Variants in GFOD2 observed in about 807,000 individuals in gnomAD.
GFOD2 encodes glucose-fructose oxidoreductase domain-containing protein 2.
In GFOD2, 9 loss-of-function variants were observed where a neutral mutation model predicts 24.6. The observed-to-expected ratio is 0.37, with a 90% CI of 0.22 to 0.64. GFOD2 has a LOEUF of 0.64. GFOD2 is among the 30% of genes least tolerant of loss of function. GFOD2 has a pLI of 0.65. For missense variants in GFOD2, 476 were observed against 532.5 expected (o/e 0.89, Z 1.04); for synonymous variants, 211 against 224.8 (o/e 0.94, Z 0.55).
Position 67,685,659 on chromosome 16 carries a change from C to T in GFOD2, c.57G>A (p.Leu19=), listed in dbSNP as rs2053261124. The T allele has an allele frequency of 3.7e-6, 6 of 1,613,952 alleles. No individual in the cohort carries two copies. Among genetic ancestry groups the T allele is most frequent in the Admixed American group, 1.7e-5 (1 of 59,996 alleles). The part of the protein sequence containing the change: ...VFGTGSSARV[L]VPLLRAEGFT... The stretch of plus-strand genomic sequence containing the variant: ...ACCCTTCTGCCCTCAGCAGTGGGAC[C>T]AGAACTCGGGCGGAGCTGCCAGTCC... The change falls in exon 2 of 3, where the codon CTG becomes CTA. Residue 19 remains leucine (L), a synonymous_variant. Coordinates refer to ENST00000268797, the MANE Select transcript of GFOD2 (RefSeq NM_030819.4).
intron 1 of GFOD2, among the ~76,000 whole-genome samples, chr16:67,703,495 A>G (rs1761654357): frequency 6.6e-6 from 1 of 152,206 alleles, no homozygotes; most frequent in Non-Finnish European, 1.5e-5. Flanking sequence ...TGAGATAAAT[A>G]TAGAAGGTAT....
At chr16:67,704,383 A>G (rs914977426) in intron 1 of GFOD2, among the ~76,000 whole-genome samples, 2 of 152,222 alleles carry the variant, frequency 1.3e-5, no homozygotes, top group Admixed American at 1.3e-4. Context: ...TGATTTAACA[A>G]TTATAACTTC....
At chr16:67,707,591 C>T (rs1301106622) in intron 1 of GFOD2, among the ~76,000 whole-genome samples, 1 of 152,050 alleles carries the variant, frequency 6.6e-6, no homozygotes, top group Non-Finnish European at 1.5e-5. Context: ...TCACAGCAGC[C>T]TTATTCATAA....
chr16:67,692,987 G>A (rs752708221), intron 1 of GFOD2, among the ~76,000 whole-genome samples: 6 of 151,666 alleles, frequency 4.0e-5, no homozygotes, highest in Non-Finnish European at 8.8e-5. Flanking sequence ...CCGAGATTGC[G>A]CCACTGCACT....
intron 1 of GFOD2, among the ~76,000 whole-genome samples, chr16:67,700,399 T>A (rs765677077): frequency 6.7e-6 from 1 of 150,106 alleles, no homozygotes; most frequent in African/African-American, 2.5e-5. Flanking sequence ...AAATTTAATT[T>A]AAAAAATAAA....
chr16:67,705,559 C>T (rs866640192), intron 1 of GFOD2, among the ~76,000 whole-genome samples: 3 of 152,056 alleles, frequency 2.0e-5, no homozygotes, highest in African/African-American at 4.8e-5. Context: ...TGTGTCTCCC[C>T]GATCCTATTA....
At chr16:67,697,924 G>A (rs1174916375) in intron 1 of GFOD2, among the ~76,000 whole-genome samples, 1 of 152,182 alleles carries the variant, frequency 6.6e-6, no homozygotes, top group Non-Finnish European at 1.5e-5. Context: ...GGCGTAAAGT[G>A]TTAATCTCAA....
At chr16:67,683,137 T>C in intron 2 of GFOD2, 3 of 913,048 alleles carry the variant, frequency 3.3e-6, no homozygotes, top group Non-Finnish European at 3.9e-6. Context: ...ATTTTTAAAC[T>C]TTTTTGTAGA....
At chr16:67,683,912 G>C in intron 2 of GFOD2, 1 of 1,108,172 alleles carries the variant, frequency 9.0e-7, no homozygotes, top group Non-Finnish European at 1.1e-6. Flanking sequence ...GTATGTGCTA[G>C]TTGAATTGTG....
intron 1 of GFOD2, among the ~76,000 whole-genome samples, chr16:67,687,085 T>C (rs1488335182): frequency 6.7e-6 from 1 of 150,002 alleles, no homozygotes; most frequent in African/African-American, 2.5e-5. Flanking sequence ...GAGGTGAAAG[T>C]TGCAGTGATC....
At chr16:67,684,454 G>C (rs2053250644) in intron 2 of GFOD2, 1 of 151,732 alleles carries the variant, frequency 6.6e-6, no homozygotes, top group African/African-American at 2.4e-5. Context: ...CCAGCACTTT[G>C]GGAGGCCGAG....
chr16:67,709,466 C>T (rs1024787721), intron 1 of GFOD2, among the ~76,000 whole-genome samples: 1 of 151,890 alleles, frequency 6.6e-6, no homozygotes, highest in Non-Finnish European at 1.5e-5. Context: ...CTTCAGTAAG[C>T]CAAACAGATA....
intron 1 of GFOD2, among the ~76,000 whole-genome samples, chr16:67,698,674 T>TC (rs1338981774): frequency 3.3e-5 from 5 of 152,282 alleles, no homozygotes; most frequent in South Asian, 2.1e-4. Context: ...ACACGGGGTT[T>TC]CCCCATATTG....
chr16:67,685,445 T>G lies in GFOD2; in HGVS notation c.259+12A>C, dbSNP rs965233479. On this transcript the variant is annotated intron_variant, in intron 2 of 2. Coordinates refer to ENST00000268797, the MANE Select transcript of GFOD2 (RefSeq NM_030819.4). ...GACATGATCTGCCCCTGCTGTGGCCTGCCGGGCGTACCTAGAGCCTTCACG... is the reference window on the plus strand; with the variant it reads ...GACATGATCTGCCCCTGCTGTGGCCGGCCGGGCGTACCTAGAGCCTTCACG... 3.7e-6 allele frequency: 6 copies of G among 1,613,998 alleles called. No homozygotes were observed. The highest frequency in any genetic ancestry group is 1.7e-5 in the Admixed American group (1 of 59,998).
chr16:67,701,621 G>A (rs1273734712), intron 1 of GFOD2, among the ~76,000 whole-genome samples: 5 of 152,162 alleles, frequency 3.3e-5, no homozygotes, highest in Admixed American at 2.6e-4. Flanking sequence ...GACAACAAAG[G>A]GGCACAGGGG....
At position 67,674,929 on chromosome 16, in the gene GFOD2, G is replaced by T; in HGVS notation, c.*226C>A. On this transcript the variant is annotated 3_prime_UTR_variant, in exon 3 of 3. Coordinates refer to ENST00000268797, the MANE Select transcript of GFOD2 (RefSeq NM_030819.4). ...CATGAGGAGGCCTGGCGGCAGCTCT[G>T]CCCTGTGCACACCGTGGTAACCTGG... 3.5e-6 allele frequency: 2 copies of T among 572,714 alleles called. No homozygotes were observed. Among genetic ancestry groups the T allele is most frequent in the Non-Finnish European group, 6.2e-6 (2 of 323,132 alleles). The allele number at this position is 572,714 out of a possible 1,614,324, so 35.5% of individuals were successfully genotyped here. A position where few individuals can be genotyped will look rare whatever the true frequency, so the allele number is the denominator to read the frequency against.
intron 2 of GFOD2, among the ~76,000 whole-genome samples, chr16:67,678,306 G>A (rs1047002997): frequency 2.0e-5 from 3 of 152,000 alleles, no homozygotes. Flanking sequence ...AAGAAACCCC[G>A]TCTCTACTAA....
At chr16:67,691,972 T>C (rs2053317497) in intron 1 of GFOD2, among the ~76,000 whole-genome samples, 1 of 152,122 alleles carries the variant, frequency 6.6e-6, no homozygotes, top group Non-Finnish European at 1.5e-5. Flanking sequence ...TCTGGCCTTA[T>C]ATATAATTAA....
At chr16:67,717,018 T>G in intron 1 of GFOD2, among the ~76,000 whole-genome samples, 1 of 152,164 alleles carries the variant, frequency 6.6e-6, no homozygotes, top group Admixed American at 6.5e-5. Flanking sequence ...TGCCTCAGCC[T>G]CCCAAGTAGC....
Sources: gnomAD v4.1 joint callset for allele counts (sites outside exome capture counted in the v4.1 genomes callset) on GRCh38, gnomAD v4.1.1 for gene constraint, MANE v1.5 for transcripts, NCBI Gene and HGNC (gene_info 2026-07-23, HGNC 2026-07-21) for gene names.